The following KCNS3 variants were observed in gnomAD, a reference collection of about 807,000 sequenced individuals.
KCNS3 encodes delayed-rectifier potassium channel regulatory subunit KCNS3.
KCNS3 carries 13 observed loss-of-function variants against 31.0 expected under a neutral mutation model. The ratio of observed to expected loss-of-function variants is 0.42; its 90% confidence interval spans 0.27 to 0.67. KCNS3 has a LOEUF of 0.67. Ranked by LOEUF, KCNS3 falls within the 30% of genes least tolerant of loss-of-function variation. KCNS3 has a pLI of 0.25. For missense variants in KCNS3, 545 were observed against 622.4 expected, an observed-to-expected ratio of 0.88 and a Z score of 1.32; for synonymous variants, 238 against 241.5, an observed-to-expected ratio of 0.99 and a Z score of 0.13.
At chr2:17,917,319 A>G (rs1662612761) in intron 1 of KCNS3, among the ~76,000 whole-genome samples, 1 of 152,216 alleles carries the variant, frequency 6.6e-6, no homozygotes, top group South Asian at 2.1e-4. Flanking sequence ...GCTTACAAGT[A>G]TATCTCGATG....
intron 1 of KCNS3, among the ~76,000 whole-genome samples, chr2:17,908,348 G>A (rs1388301431): frequency 1.3e-5 from 2 of 152,088 alleles, no homozygotes; most frequent in Non-Finnish European, 2.9e-5. Context: ...GATTATTCTC[G>A]TTAGCCATTC....
At chr2:17,880,005 A>C in intron 1 of KCNS3, among the ~76,000 whole-genome samples, 1 of 152,188 alleles carries the variant, frequency 6.6e-6, no homozygotes, top group Non-Finnish European at 1.5e-5. Context: ...AGATGAGTAC[A>C]AACAGTTCAG....
chr2:17,931,606 G>T lies in KCNS3; in HGVS notation c.598G>T (p.Val200Leu), dbSNP rs537401566. The T allele has an allele frequency of 9.9e-6, 16 of 1,614,186 alleles. No homozygotes were observed. The South Asian group carries it at 1.4e-4, about 14-fold the overall frequency. ...SSLSVVLASI[V>L]AMCVHSMSEF... ...CTTGAGCGTGGTGCTGGCCTCCATCGTGGCCATGTGCGTTCACAGCATGTC... is the reference window on the plus strand; with the variant it reads ...CTTGAGCGTGGTGCTGGCCTCCATCTTGGCCATGTGCGTTCACAGCATGTC... The change falls in exon 3 of 3, where the codon GTG becomes TTG. Residue 200 changes from valine (V) to leucine (L), a missense_variant. Coordinates refer to ENST00000304101, the MANE Select transcript of KCNS3 (RefSeq NM_002252.5). This position sits in a 1 kb window ranked among gnomAD's most constrained non-coding sequence, Gnocchi z 5.4.
intron 2 of KCNS3, among the ~76,000 whole-genome samples, chr2:17,927,441 A>G (rs1662863336): frequency 6.6e-6 from 1 of 152,176 alleles, no homozygotes; most frequent in Non-Finnish European, 1.5e-5. Flanking sequence ...GTGCCAATTT[A>G]TAGTATTAGT....
chr2:17,906,207 G>C (rs1273448445), intron 1 of KCNS3, among the ~76,000 whole-genome samples: 5 of 152,146 alleles, frequency 3.3e-5, no homozygotes, highest in African/African-American at 1.2e-4. Flanking sequence ...ATGTGTCCAG[G>C]AATTTATCCA....
intron 1 of KCNS3, among the ~76,000 whole-genome samples, chr2:17,909,221 A>G (rs963987778): frequency 5.3e-5 from 8 of 152,192 alleles, no homozygotes; most frequent in Non-Finnish European, 1.0e-4. Context: ...TGTGCTAGCA[A>G]TGAGTGAGGC....
At chr2:17,895,261 A>G (rs1661999308) in intron 1 of KCNS3, among the ~76,000 whole-genome samples, 1 of 152,198 alleles carries the variant, frequency 6.6e-6, no homozygotes, top group Non-Finnish European at 1.5e-5. Context: ...GCAACATACT[A>G]CAGCAATAGA....
chr2:17,882,316 G>C (rs1451278426), intron 1 of KCNS3, among the ~76,000 whole-genome samples: 1 of 152,170 alleles, frequency 6.6e-6, no homozygotes, highest in Non-Finnish European at 1.5e-5. Context: ...CTTTCACATG[G>C]GATATCTCAT....
intron 1 of KCNS3, among the ~76,000 whole-genome samples, chr2:17,880,873 C>T (rs1674631011): frequency 6.6e-6 from 1 of 152,196 alleles, no homozygotes; most frequent in African/African-American, 2.4e-5. Context: ...TCTTCACAGA[C>T]GTGCATCCCT....
At chr2:17,903,324 A>G (rs978650143) in intron 1 of KCNS3, among the ~76,000 whole-genome samples, 4 of 152,222 alleles carry the variant, frequency 2.6e-5, no homozygotes, top group Non-Finnish European at 5.9e-5. Flanking sequence ...GGAGTGGAGA[A>G]GCAAACAGTA....
At chr2:17,888,400 A>C (rs1661741739) in intron 1 of KCNS3, among the ~76,000 whole-genome samples, 1 of 151,724 alleles carries the variant, frequency 6.6e-6, no homozygotes, top group Admixed American at 6.6e-5. Context: ...AAGATGAGAG[A>C]TGAGGATCCA....
chr2:17,891,729 G>A (rs1181481103), intron 1 of KCNS3, among the ~76,000 whole-genome samples: 1 of 152,116 alleles, frequency 6.6e-6, no homozygotes, highest in Non-Finnish European at 1.5e-5. Flanking sequence ...TAATTGTTTT[G>A]TTTGAGGAGA....
At chr2:17,923,736 T>C (rs549538554) in intron 2 of KCNS3, among the ~76,000 whole-genome samples, 21 of 152,054 alleles carry the variant, frequency 1.4e-4, no homozygotes, top group Middle Eastern at 6.8e-3. Context: ...AGACTCTTCT[T>C]ACCCCTGTTG....
intron 1 of KCNS3, among the ~76,000 whole-genome samples, chr2:17,912,300 C>G (rs1662488849): frequency 6.6e-6 from 1 of 152,208 alleles, no homozygotes; most frequent in Non-Finnish European, 1.5e-5. Flanking sequence ...CTGCTCACTC[C>G]AAAGCTGCTT....
intron 2 of KCNS3, among the ~76,000 whole-genome samples, chr2:17,923,104 C>A (rs1052203555): frequency 6.6e-6 from 1 of 152,166 alleles, no homozygotes; most frequent in Non-Finnish European, 1.5e-5. Flanking sequence ...TCCCTGCCAA[C>A]ACCTGATGTA....
At chr2:17,926,158 C>T (rs1188152493) in intron 2 of KCNS3, among the ~76,000 whole-genome samples, 1 of 152,224 alleles carries the variant, frequency 6.6e-6, no homozygotes, top group African/African-American at 2.4e-5. Context: ...TCTCCTTTTA[C>T]TCCATGCCTC....
intron 1 of KCNS3, among the ~76,000 whole-genome samples, chr2:17,895,539 C>G (rs79226625): frequency 1.8e-3 from 270 of 152,252 alleles, no homozygotes; most frequent in African/African-American, 6.2e-3. Flanking sequence ...CAGGAAAACC[C>G]TTGTTTTTTC....
At position 17,931,033 on chromosome 2, in the gene KCNS3, C is replaced by T. The variant is rs140025505; in HGVS notation, c.25C>T (p.Arg9Cys). ...CATGGTGTTTGGTGAGTTTTTCCATCGCCCTGGACAAGACGAGGAACTTGT... is the reference window on the plus strand; with the variant it reads ...CATGGTGTTTGGTGAGTTTTTCCATTGCCCTGGACAAGACGAGGAACTTGT... MVFGEFFH[R>C]PGQDEELVNL... Residue 9 changes from arginine to cysteine, a missense_variant, in exon 3 of 3, where the codon CGC (arginine) becomes TGC (cysteine). Physicochemically the swap from Arg to Cys is radical, Grantham distance 180. Coordinates refer to ENST00000304101, the MANE Select transcript of KCNS3 (RefSeq NM_002252.5). This position sits in a 1 kb window ranked among gnomAD's most constrained non-coding sequence, Gnocchi z 5.4. The T allele has an allele frequency of 3.8e-5, 62 of 1,613,444 alleles. No individual in the cohort carries two copies. The highest frequency in any genetic ancestry group is 4.7e-5 in the Non-Finnish European group (56 of 1,179,744).
intron 1 of KCNS3, among the ~76,000 whole-genome samples, chr2:17,885,502 A>G (rs1661631767): frequency 6.6e-6 from 1 of 152,216 alleles, no homozygotes; most frequent in Non-Finnish European, 1.5e-5. Flanking sequence ...GGCAAGTCCA[A>G]AATTTGCCGG....
Sources: gnomAD v4.1 joint callset for allele counts (sites outside exome capture counted in the v4.1 genomes callset) on GRCh38, gnomAD v4.1.1 for gene constraint, Gnocchi (gnomAD v3.1) non-coding constraint, MANE v1.5 for transcripts, NCBI Gene and HGNC (gene_info 2026-07-23, HGNC 2026-07-21) for gene names.